RABL2B: variants seen among roughly 807,000 people sequenced by gnomAD.
RABL2B encodes rab-like protein 2B.
In RABL2B, 17 loss-of-function variants were observed where a neutral mutation model predicts 26.7. That is an observed-to-expected ratio of 0.64 (90% confidence interval 0.44 to 0.95). The LOEUF is 0.95. Among genes scored for constraint, RABL2B ranks in the 40% least tolerant of loss-of-function variants. The probability of loss-of-function intolerance (pLI) is 0.00; values close to 1 mark genes in which losing one functional copy is unlikely to be tolerated. For synonymous variants in RABL2B, 70 were observed against 103.9 expected (o/e 0.67, Z 1.99); for missense variants, 170 against 277.2 (o/e 0.61, Z 2.75).
At chr22:50,771,830 G>C (rs1286990200) in intron 5 of RABL2B, 2 of 151,038 alleles carry the variant, frequency 1.3e-5, no homozygotes, top group Non-Finnish European at 1.5e-5. Context: ...GGCTGGTCTT[G>C]GACTCCCGGT....
intron 5 of RABL2B, among the ~76,000 whole-genome samples, chr22:50,774,969 G>A (rs1439878069): frequency 6.6e-6 from 1 of 152,134 alleles, no homozygotes; most frequent in Non-Finnish European, 1.5e-5. Flanking sequence ...AGTAGAGACG[G>A]GATTTCACCA....
intron 5 of RABL2B, among the ~76,000 whole-genome samples, chr22:50,773,461 T>G (rs1279350223): frequency 2.0e-5 from 3 of 152,024 alleles, no homozygotes; most frequent in African/African-American, 7.3e-5. Flanking sequence ...AGCACGTGTG[T>G]CTTTCCACCT....
At position 50,768,793 on chromosome 22, in the gene RABL2B, C is replaced by G. The variant is rs782608967; in HGVS notation, c.673G>C (p.Ala225Pro). Reference protein sequence around the residue: ...SSIETPSEEAASPHS With the variant: ...SSIETPSEEAPSPHS Reference sequence around the variant, plus strand: ...CCAGCCCCTCAGCTGTGGGGAGAGGCCGCCTCCTCTGATGGGGTCTCGATG... The same window carrying G: ...CCAGCCCCTCAGCTGTGGGGAGAGGGCGCCTCCTCTGATGGGGTCTCGATG... Residue 225 changes from alanine (A) to proline (P), a missense_variant, in exon 9 of 9, where the codon GCC becomes CCC. Ala to Pro is a conservative substitution (Grantham distance 27). Transcript: ENST00000691320. The G allele has an allele frequency of 2.4e-5, 38 of 1,613,786 alleles. No homozygotes were observed. The Admixed American group carries it at 5.7e-4, about 24-fold the overall frequency.
intron 2 of RABL2B, among the ~76,000 whole-genome samples, chr22:50,780,259 A>G (rs1325896051): frequency 5.9e-5 from 9 of 152,094 alleles, no homozygotes; most frequent in African/African-American, 2.2e-4. Context: ...GGCACCTTAA[A>G]GAAAGCCTGG....
intron 2 of RABL2B, among the ~76,000 whole-genome samples, chr22:50,779,586 A>G (rs1211211799): frequency 1.4e-4 from 21 of 152,002 alleles, no homozygotes; most frequent in Non-Finnish European, 2.4e-4. Context: ...ATGATAGGCA[A>G]TCATTAACGG....
chr22:50,771,878 G>A (rs2084241323), intron 5 of RABL2B: 1 of 151,932 alleles, frequency 6.6e-6, no homozygotes, highest in Admixed American at 6.6e-5. Flanking sequence ...CCAAATTTCT[G>A]GGATTACAGG....
At chr22:50,775,653 C>A (rs1341703760) in intron 5 of RABL2B, 119 bp downstream of exon 5, 1 of 1,038,222 alleles carries the variant, frequency 9.6e-7, no homozygotes, top group Non-Finnish European at 1.5e-6. Flanking sequence ...CCCCGGGTGA[C>A]CCTAAGCCCC....
At chr22:50,773,197 C>G (rs2084442174) in intron 5 of RABL2B, 3 of 1,267,104 alleles carry the variant, frequency 2.4e-6, no homozygotes, top group Middle Eastern at 2.2e-4. Context: ...CTCCTCTGCT[C>G]TTGAGGGTCA....
In RABL2B at chr22:50,768,854, TTCCTGCTCC is replaced by T; in HGVS notation, c.603_611del (p.Gln203_Glu205del). 6.2e-7 allele frequency: 1 copy of T among 1,613,104 alleles called. No homozygotes were observed. The highest frequency in any genetic ancestry group is 8.5e-7 in the Non-Finnish European group (1 of 1,179,702). On this transcript the variant is annotated inframe_deletion, in exon 9 of 9. Coordinates refer to ENST00000691320, the MANE Select transcript of RABL2B (RefSeq NM_001130919.3). ...GTTCCTGGTCTGGCACGTCCTCCTC[TTCCTGCTCC>T]AAGCTGAAGTTCTGTGAACAAGGTC...
At chr22:50,780,893 T>A (rs2085723194) in intron 2 of RABL2B, among the ~76,000 whole-genome samples, 1 of 152,238 alleles carries the variant, frequency 6.6e-6, no homozygotes, top group African/African-American at 2.4e-5. Context: ...CAATTTGCTT[T>A]ACACCTGCCT....
chr22:50,775,575 G>A (rs1319045363), intron 5 of RABL2B, among the ~76,000 whole-genome samples, 197 bp downstream of exon 5: 6 of 151,994 alleles, frequency 3.9e-5, no homozygotes, highest in African/African-American at 7.3e-5. Flanking sequence ...ACCCATCCCC[G>A]CCTACAGAGA....
At chr22:50,779,238 T>C (rs1461117483) in intron 2 of RABL2B, among the ~76,000 whole-genome samples, 2 of 151,698 alleles carry the variant, frequency 1.3e-5, no homozygotes, top group African/African-American at 4.8e-5. Flanking sequence ...CAGAGACTCA[T>C]TCCCTCCCAA....
chr22:50,770,040 A>G, intron 5 of RABL2B, 24 bp from the exon 6 acceptor site: 1 of 1,613,806 alleles, frequency 6.2e-7, no homozygotes, highest in Non-Finnish European at 8.5e-7. Context: ...AGGAAGAAAG[A>G]TAGCTCAGGT....
intron 5 of RABL2B, among the ~76,000 whole-genome samples, chr22:50,774,917 A>G (rs1555922172): frequency 6.6e-6 from 1 of 152,068 alleles, no homozygotes; most frequent in Non-Finnish European, 1.5e-5. Flanking sequence ...AGCTGGGATT[A>G]CAGGCACCCG....
intron 3 of RABL2B, 119 bp downstream of exon 3, chr22:50,777,833 T>A: frequency 6.6e-7 from 1 of 1,524,322 alleles, no homozygotes; most frequent in Non-Finnish European, 9.1e-7. Flanking sequence ...AACCTGTGCG[T>A]TCACTTACCC....
chr22:50,770,707 C>T (rs2595120), intron 5 of RABL2B, among the ~76,000 whole-genome samples: 39,728 of 150,058 alleles, frequency 0.26, 5,521 homozygotes, highest in East Asian at 0.31. Flanking sequence ...CTGTAGTAAC[C>T]GTAAATGTTT....
intron 2 of RABL2B, among the ~76,000 whole-genome samples, chr22:50,778,626 C>G (rs1293872099): frequency 6.6e-6 from 1 of 151,806 alleles, no homozygotes; most frequent in African/African-American, 2.4e-5. Flanking sequence ...TCTTTCAGTT[C>G]AAACTCTCCC....
At chr22:50,770,116 T>G (rs1243423277) in intron 5 of RABL2B, 100 bp from the exon 6 acceptor site, 1 of 1,585,568 alleles carries the variant, frequency 6.3e-7, no homozygotes. Flanking sequence ...CACGAGCACA[T>G]GGTGCTGTTT....
At chr22:50,771,917 AT>A (rs1318079060) in intron 5 of RABL2B, 2 of 152,038 alleles carry the variant, frequency 1.3e-5, no homozygotes, top group Non-Finnish European at 2.9e-5. Flanking sequence ...GCCTCTTTAA[AT>A]TTTTTTAAAG....
Sources: gnomAD v4.1 joint callset for allele counts (sites outside exome capture counted in the v4.1 genomes callset) on GRCh38, gnomAD v4.1.1 for gene constraint, MANE v1.5 for transcripts, NCBI Gene and HGNC (gene_info 2026-07-23, HGNC 2026-07-21) for gene names.